The following PCDH15 variants were observed in gnomAD, a reference collection of about 807,000 sequenced individuals.
PCDH15 encodes protocadherin related 15.
A neutral mutation model predicts 178.5 loss-of-function variants in PCDH15; 129 were observed. That is an observed-to-expected ratio of 0.72 (90% CI 0.63 to 0.84). The LOEUF (loss-of-function observed/expected upper bound fraction) is 0.84. PCDH15 is among the 40% of genes least tolerant of loss of function. The pLI is 0.00. For missense variants in PCDH15, 2,230 were observed against 2,099.9 expected, an observed-to-expected ratio of 1.06 and a Z score of -1.21; for synonymous variants, 800 against 732.0, an observed-to-expected ratio of 1.09 and a Z score of -1.50.
chr10:54,066,685 G>A, intron 18 of PCDH15, 72 bp downstream of exon 18: 2 of 1,491,250 alleles, frequency 1.3e-6, no homozygotes, highest in Non-Finnish European at 1.9e-6. Context: ...AGTTTCTTTT[G>A]AGAATTAAAA....
At chr10:53,890,721 T>C (rs2081496685) in intron 26 of PCDH15, among the ~76,000 whole-genome samples, 1 of 152,208 alleles carries the variant, frequency 6.6e-6, no homozygotes, top group South Asian at 2.1e-4. Flanking sequence ...TTTTGTTCAC[T>C]AGAATGCATT....
chr10:54,207,366 GTGTGTGTGTGTA>G (rs200828477), intron 10 of PCDH15, among the ~76,000 whole-genome samples: 2,747 of 32,536 alleles, frequency 0.084, 36 homozygotes, highest in East Asian at 0.46. Flanking sequence ...GTTTTGTTTT[GTGTGTGTGTGTA>G]TGTGTGTGTG....
chr10:53,891,041 T>C (rs141329023), intron 26 of PCDH15, among the ~76,000 whole-genome samples: 12 of 152,156 alleles, frequency 7.9e-5, no homozygotes, highest in African/African-American at 2.9e-4. Context: ...AAAATTAAGA[T>C]ACATTTATAG....
chr10:54,388,274 C>T (rs1444897857), intron 3 of PCDH15, among the ~76,000 whole-genome samples: 1 of 152,168 alleles, frequency 6.6e-6, no homozygotes, highest in Non-Finnish European at 1.5e-5. Context: ...TCCAATTAGT[C>T]AGAACAATAG....
rs372783729 is a variant in PCDH15 at position 54,071,241 on chromosome 10, A to C, written c.2092-4356T>G. Among the ~76,000 whole-genome samples the C allele has an allele frequency of 2.2e-4, 34 of 152,254 alleles. 1 individual carries two copies. The East Asian group carries it at 6.4e-3, about 29-fold the overall frequency. On this transcript the variant is annotated intron_variant, in intron 17 of 37. Coordinates refer to ENST00000644397, the MANE Select transcript of PCDH15 (RefSeq NM_001384140.1). ...TTTCATTTCCTGAGTAAATAGCTGG[A>C]AGTCAGATAACTGGGTTTTCTGATT... is the stretch of plus-strand genomic sequence containing the variant.
intron 1 of PCDH15, among the ~76,000 whole-genome samples, chr10:54,778,434 G>A (rs570659375): frequency 1.9e-4 from 29 of 152,254 alleles, no homozygotes; most frequent in Admixed American, 1.4e-3. Context: ...CTCTGAATAA[G>A]TATTATCAAA....
chr10:55,310,351 C>T (rs1030111541), intron 1 of PCDH15, among the ~76,000 whole-genome samples: 1 of 152,028 alleles, frequency 6.6e-6, no homozygotes, highest in African/African-American at 2.4e-5. Flanking sequence ...GTTGAATCAG[C>T]AAACATTATA....
intron 25 of PCDH15, among the ~76,000 whole-genome samples, chr10:53,922,083 C>T (rs1375548629): frequency 1.3e-5 from 2 of 151,666 alleles, no homozygotes; most frequent in African/African-American, 4.8e-5. Flanking sequence ...TATACATTAT[C>T]CGGTTGTCAA....
chr10:55,388,650 A>G (rs900245846), intron 2 of PCDH15, among the ~76,000 whole-genome samples: 3 of 152,146 alleles, frequency 2.0e-5, no homozygotes, highest in Admixed American at 6.6e-5. Context: ...ATTAATATTA[A>G]TGAGGAACTT....
intron 4 of PCDH15, among the ~76,000 whole-genome samples, chr10:54,372,501 C>T (rs936603622): frequency 2.6e-5 from 4 of 151,758 alleles, no homozygotes; most frequent in African/African-American, 9.7e-5. Context: ...ATATAACACA[C>T]AATGTAATTT....
chr10:54,100,219 G>T (rs999314648), intron 15 of PCDH15, among the ~76,000 whole-genome samples: 6 of 151,874 alleles, frequency 4.0e-5, no homozygotes, highest in African/African-American at 1.5e-4. Flanking sequence ...ACAAAAATTT[G>T]CCGGGCGTAG....
intron 6 of PCDH15, among the ~76,000 whole-genome samples, chr10:54,332,526 A>T (rs1456815355): frequency 6.7e-6 from 1 of 150,258 alleles, no homozygotes. Context: ...TCTTGCTTAA[A>T]TATCCCATCA....
At chr10:54,159,883 T>A (rs1055976977) in intron 13 of PCDH15, among the ~76,000 whole-genome samples, 1 of 152,222 alleles carries the variant, frequency 6.6e-6, no homozygotes, top group Non-Finnish European at 1.5e-5. Flanking sequence ...TTGTTTTTTC[T>A]TCTTCATAAT....
intron 8 of PCDH15, among the ~76,000 whole-genome samples, chr10:54,241,310 C>T (rs1322098100): frequency 2.0e-5 from 3 of 152,118 alleles, no homozygotes; most frequent in Non-Finnish European, 1.5e-5. Context: ...AGAGGAAGTA[C>T]GGTATGTGTT....
intron 26 of PCDH15, among the ~76,000 whole-genome samples, chr10:53,892,192 TTTTTTG>T: frequency 6.6e-6 from 1 of 151,692 alleles, no homozygotes; most frequent in African/African-American, 2.4e-5. Flanking sequence ...ACCCGGCTAA[TTTTTTG>T]TAGTTTTTAG....
intron 28 of PCDH15, among the ~76,000 whole-genome samples, chr10:53,845,973 A>G (rs1282026946): frequency 6.6e-6 from 1 of 151,524 alleles, no homozygotes; most frequent in Non-Finnish European, 1.5e-5. Context: ...CAAATATCAC[A>G]TATATCCCAA....
At chr10:54,027,686 G>A (rs1389841348) in intron 18 of PCDH15, among the ~76,000 whole-genome samples, 2 of 145,242 alleles carry the variant, frequency 1.4e-5, no homozygotes, top group Admixed American at 6.9e-5. Flanking sequence ...AACAAGCAAT[G>A]GGGAAAGGAT....
At position 53,940,887 on chromosome 10, in the gene PCDH15, T is replaced by G; in HGVS notation, c.3211A>C (p.Ile1071Leu). 6.2e-7 allele frequency: 1 copy of G among 1,612,498 alleles called. No individual in the cohort carries two copies. The highest frequency in any genetic ancestry group is 1.1e-5 in the South Asian group (1 of 91,050). The change falls in exon 24 of 38, where the codon ATT becomes CTT. Residue 1071 changes from isoleucine to leucine, a missense_variant. Physicochemically the swap from Ile to Leu is conservative, Grantham distance 5 (BLOSUM62 2). Transcript: ENST00000644397. ...TCACCTTCTTCATTTCCTGAAACAA[T>G]GGAGTACACAATACTTTGATTAATG... ...AAINQSIVYS[I>L]VSGNEEDTFG...
At chr10:55,330,460 T>G (rs1269912917) in intron 2 of PCDH15, among the ~76,000 whole-genome samples, 1 of 151,916 alleles carries the variant, frequency 6.6e-6, no homozygotes, top group Non-Finnish European at 1.5e-5. Context: ...TGGTGATTAT[T>G]TCTTCCTTTT....
Sources: gnomAD v4.1 joint callset for allele counts (sites outside exome capture counted in the v4.1 genomes callset) on GRCh38, gnomAD v4.1.1 for gene constraint, MANE v1.5 for transcripts, NCBI Gene and HGNC (gene_info 2026-07-23, HGNC 2026-07-21) for gene names.